The following SPAG16 variants were observed in gnomAD, a reference collection of about 807,000 sequenced individuals.
The protein encoded by SPAG16 is sperm-associated antigen 16 protein.
Under a neutral mutation model 80.4 loss-of-function variants are expected in SPAG16, and 86 were observed. The observed-to-expected ratio is 1.07, with a 90% CI of 0.90 to 1.28. The LOEUF is 1.28. SPAG16 is among the 50% of genes most tolerant of loss of function. The pLI is 0.00. For synonymous variants in SPAG16, 294 were observed against 265.9 expected (o/e 1.11, Z -1.03); for missense variants, 870 against 765.3 (o/e 1.14, Z -1.61).
At chr2:213,952,909 A>G (rs2106328347) in intron 12 of SPAG16, among the ~76,000 whole-genome samples, 1 of 152,220 alleles carries the variant, frequency 6.6e-6, no homozygotes, top group South Asian at 2.1e-4. Context: ...TTTTAAAATA[A>G]CAAGTTTCAA....
At chr2:213,298,067 T>C (rs1231672017) in intron 3 of SPAG16, among the ~76,000 whole-genome samples, 1 of 152,198 alleles carries the variant, frequency 6.6e-6, no homozygotes, top group African/African-American at 2.4e-5. Context: ...TGTGAGACTT[T>C]ACTGCATATT....
intron 12 of SPAG16, among the ~76,000 whole-genome samples, chr2:213,950,913 A>G (rs1467251031): frequency 1.3e-5 from 2 of 150,884 alleles, no homozygotes; most frequent in East Asian, 2.0e-4. Context: ...GTGTCTCTCT[A>G]TGTTGCCCAG....
intron 10 of SPAG16, among the ~76,000 whole-genome samples, chr2:213,648,818 A>G (rs570166688): frequency 6.6e-6 from 1 of 152,326 alleles, no homozygotes; most frequent in South Asian, 2.1e-4. Flanking sequence ...TGCTTAACTC[A>G]GGTCACATGC....
At chr2:214,021,620 C>A (rs1256516889) in intron 13 of SPAG16, among the ~76,000 whole-genome samples, 3 of 152,092 alleles carry the variant, frequency 2.0e-5, no homozygotes, top group Non-Finnish European at 4.4e-5. Flanking sequence ...CAGAGCCAAA[C>A]CTTATCAACT....
chr2:213,721,121 G>C (rs1456346678), intron 10 of SPAG16, among the ~76,000 whole-genome samples: 2 of 151,748 alleles, frequency 1.3e-5, no homozygotes, highest in Non-Finnish European at 2.9e-5. Flanking sequence ...TAGTTTTTGA[G>C]ATGGAGTCTC....
At chr2:214,110,119 G>A (rs903823576) in intron 14 of SPAG16, among the ~76,000 whole-genome samples, 7 of 151,942 alleles carry the variant, frequency 4.6e-5, no homozygotes, top group Non-Finnish European at 8.8e-5. Flanking sequence ...TGAGGTTTAG[G>A]TGTCCAATAT....
intron 10 of SPAG16, among the ~76,000 whole-genome samples, chr2:213,836,420 C>T (rs2125739941): frequency 6.6e-6 from 1 of 152,046 alleles, no homozygotes; most frequent in East Asian, 1.9e-4. Context: ...TTTTATCAAA[C>T]TCAACTATCA....
chr2:214,121,861 G>A (rs2054236622), intron 14 of SPAG16, among the ~76,000 whole-genome samples: 1 of 151,686 alleles, frequency 6.6e-6, no homozygotes, highest in African/African-American at 2.4e-5. Context: ...ATAAATTAAT[G>A]TTTTGTTTAG....
chr2:214,114,690 G>A (rs573690966), intron 14 of SPAG16, among the ~76,000 whole-genome samples: 260 of 152,282 alleles, frequency 1.7e-3, no homozygotes, highest in African/African-American at 6.0e-3. Context: ...GGAGTGTCCC[G>A]TTTTTCCAGG....
intron 10 of SPAG16, among the ~76,000 whole-genome samples, chr2:213,734,960 T>G: frequency 2.5e-5 from 1 of 40,590 alleles, no homozygotes; most frequent in East Asian, 1.3e-3. Context: ...AAGGTGCCTT[T>G]CTAGATATTT....
intron 15 of SPAG16, among the ~76,000 whole-genome samples, chr2:214,391,097 G>A (rs533152137): frequency 6.6e-6 from 1 of 152,278 alleles, no homozygotes; most frequent in East Asian, 1.9e-4. Flanking sequence ...TTGACAGGCT[G>A]TTTGCATATG....
chr2:213,370,920 C>A (rs754950525), intron 8 of SPAG16, among the ~76,000 whole-genome samples: 1 of 152,186 alleles, frequency 6.6e-6, no homozygotes, highest in Non-Finnish European at 1.5e-5. Flanking sequence ...TTATGTATCC[C>A]AACTATCTAA....
At chr2:213,927,259 C>T (rs1280663168) in intron 11 of SPAG16, among the ~76,000 whole-genome samples, 1 of 152,162 alleles carries the variant, frequency 6.6e-6, no homozygotes, top group African/African-American at 2.4e-5. Flanking sequence ...CATCAATGTA[C>T]GGATCTGGGA....
At chr2:213,575,833 G>C (rs2060104245) in intron 10 of SPAG16, among the ~76,000 whole-genome samples, 1 of 152,058 alleles carries the variant, frequency 6.6e-6, no homozygotes, top group South Asian at 2.1e-4. Context: ...CTGTTATTTT[G>C]TGTCTCACAA....
intron 15 of SPAG16, among the ~76,000 whole-genome samples, chr2:214,210,334 A>G (rs1413433993): frequency 6.6e-6 from 1 of 152,152 alleles, no homozygotes; most frequent in Non-Finnish European, 1.5e-5. Flanking sequence ...TGACAATCTG[A>G]AAAAAACTTG....
chr2:213,981,793 C>T (rs971862655), intron 12 of SPAG16, among the ~76,000 whole-genome samples: 1 of 151,862 alleles, frequency 6.6e-6, no homozygotes, highest in African/African-American at 2.4e-5. Flanking sequence ...CATCATTCCC[C>T]TTCTAGACAT....
intron 10 of SPAG16, among the ~76,000 whole-genome samples, chr2:213,562,834 A>G (rs2059637109): frequency 6.6e-6 from 1 of 152,158 alleles, no homozygotes. Flanking sequence ...CCGATTTCAT[A>G]TTTATAGATG....
At chr2:213,923,745 G>A (rs1049758585) in intron 11 of SPAG16, 2 of 152,308 alleles carry the variant, frequency 1.3e-5, no homozygotes, top group South Asian at 2.1e-4. Flanking sequence ...CCAGTGATGA[G>A]GGCAGGTGAG....
At chr2:214,081,236 C>T (rs2051377719) in intron 13 of SPAG16, among the ~76,000 whole-genome samples, 1 of 152,086 alleles carries the variant, frequency 6.6e-6, no homozygotes, top group African/African-American at 2.4e-5. Context: ...CATACCAAGA[C>T]TCCAAGCCGC....
Sources: gnomAD v4.1 joint callset for allele counts (sites outside exome capture counted in the v4.1 genomes callset) on GRCh38, gnomAD v4.1.1 for gene constraint, MANE v1.5 for transcripts, NCBI Gene and HGNC (gene_info 2026-07-23, HGNC 2026-07-21) for gene names.